Variants in MAP2K6 observed in about 807,000 individuals in gnomAD.
MAP2K6 encodes the protein mitogen-activated protein kinase kinase 6.
MAP2K6 carries 16 observed loss-of-function variants against 53.7 expected under a neutral mutation model. The observed-to-expected ratio is 0.30, with a 90% CI of 0.20 to 0.45. The LOEUF (loss-of-function observed/expected upper bound fraction) is 0.45. MAP2K6 is among the 20% of genes least tolerant of loss of function. The probability of loss-of-function intolerance (pLI) is 1.00; values close to 1 mark genes in which losing one functional copy is unlikely to be tolerated. For synonymous variants in MAP2K6, 132 were observed against 143.1 expected (o/e 0.92, Z 0.55); for missense variants, 204 against 411.9 (o/e 0.50, Z 4.37).
chr17:69,416,337 A>G (rs1905900409), intron 1 of MAP2K6, among the ~76,000 whole-genome samples: 2 of 152,184 alleles, frequency 1.3e-5, no homozygotes, highest in Admixed American at 1.3e-4. Context: ...GGAGAATGGA[A>G]ATCTGAAAAG....
At chr17:69,444,775 G>A (rs1032231022) in intron 1 of MAP2K6, among the ~76,000 whole-genome samples, 1 of 152,132 alleles carries the variant, frequency 6.6e-6, no homozygotes, top group Admixed American at 6.5e-5. Flanking sequence ...CTCAAGAGGT[G>A]GAAGAGTCAC....
At position 69,550,186 on chromosome 17, in the gene MAP2K6, A is replaced by G. The variant is rs1912036550; in HGVS notation, c.*8433A>G. ...CTAGTGTTATTGATTTGAAAGAGTTACCTTTTCAGACAGATGGCTGAACAA... is the reference window on the plus strand; with the variant it reads ...CTAGTGTTATTGATTTGAAAGAGTTGCCTTTTCAGACAGATGGCTGAACAA... On this transcript the variant is annotated 3_prime_UTR_variant, in exon 12 of 12. Transcript: ENST00000590474. 6.6e-6 allele frequency: 1 copy of G among 152,204 alleles called. No individual in the cohort carries two copies. The highest frequency in any genetic ancestry group is 2.4e-5 in the African/African-American group (1 of 41,456). The allele number at this position is 152,204 out of a possible 1,614,324, so 9.4% of individuals were successfully genotyped here.
rs571942859 is a variant in MAP2K6 at position 69,528,155 on chromosome 17, A to G, written c.881+1446A>G. ...GTGAATACAGCATTCATCAGGAAAC[A>G]TGGAAGAAACATAAAACAAAGCAAC... is the stretch of plus-strand genomic sequence containing the variant. On this transcript the variant is annotated intron_variant, in intron 10 of 11. Transcript: ENST00000590474. Among the ~76,000 whole-genome samples the G allele has an allele frequency of 2.6e-5, 4 of 151,180 alleles. No individual in the cohort carries two copies. The South Asian group carries it at 6.3e-4, about 24-fold the overall frequency.
chr17:69,508,115 G>C (rs1909623808), intron 2 of MAP2K6, among the ~76,000 whole-genome samples: 1 of 123,612 alleles, frequency 8.1e-6, no homozygotes, highest in Non-Finnish European at 1.6e-5. Flanking sequence ...GCAATGGCGT[G>C]ATCTCGGCTC....
rs1907999424 is a variant in MAP2K6 at position 69,472,061 on chromosome 17, TC to T, written c.17-33718del. ...ATCCATTTCAGAGGCCTTGGGTTAT[TC>T]TGAGCATGTTGATTTCAAGTCCTGT... On this transcript the variant is annotated intron_variant, in intron 1 of 11. Coordinates refer to ENST00000590474, the MANE Select transcript of MAP2K6 (RefSeq NM_002758.4). Among the ~76,000 whole-genome samples, 3 of 152,170 alleles carry T rather than the reference TC, an allele frequency of 2.0e-5. No homozygotes were observed. In the South Asian group the frequency reaches 6.2e-4, roughly 32 times the overall value.
chr17:69,535,275 A>G lies in MAP2K6; in HGVS notation c.882-840A>G, dbSNP rs181041778. Among the ~76,000 whole-genome samples the G allele has an allele frequency of 6.4e-4, 97 of 152,284 alleles. 2 individuals carry two copies. The highest frequency in any genetic ancestry group is 1.2e-4 in the Non-Finnish European group (8 of 68,030). On this transcript the variant is annotated intron_variant, in intron 10 of 11. Coordinates refer to ENST00000590474, the MANE Select transcript of MAP2K6 (RefSeq NM_002758.4). ...ATAAACAGGTCTTATTACCTTTGTCATAAACAAGTAGTATTACCTTAGAAA... is the reference window on the plus strand; with the variant it reads ...ATAAACAGGTCTTATTACCTTTGTCGTAAACAAGTAGTATTACCTTAGAAA...
intron 1 of MAP2K6, among the ~76,000 whole-genome samples, chr17:69,499,124 G>A (rs1472303029): frequency 6.6e-6 from 1 of 152,230 alleles, no homozygotes; most frequent in East Asian, 1.9e-4. Flanking sequence ...TAGACCTGGA[G>A]AAGTTCCCAT....
intron 1 of MAP2K6, among the ~76,000 whole-genome samples, chr17:69,458,850 G>A (rs2145167698): frequency 6.6e-6 from 1 of 152,286 alleles, no homozygotes; most frequent in African/African-American, 2.4e-5. Flanking sequence ...GTTGTAGTCT[G>A]CCTTCTCTTC....
At chr17:69,517,646 C>A in intron 4 of MAP2K6, 33 bp downstream of exon 4, 1 of 1,489,910 alleles carries the variant, frequency 6.7e-7, no homozygotes, top group Middle Eastern at 1.8e-4. Flanking sequence ...TGTTTTATAT[C>A]TGCTGTGTAT....
intron 2 of MAP2K6, among the ~76,000 whole-genome samples, chr17:69,508,810 G>C (rs1399101719): frequency 1.3e-5 from 2 of 152,212 alleles, no homozygotes; most frequent in Admixed American, 6.5e-5. Flanking sequence ...TTTAGGTTGA[G>C]CTTTATTTTT....
rs1291084548 is a variant in MAP2K6 at position 69,547,135 on chromosome 17, GA to G, written c.*5383del. 1.6e-4 allele frequency: 25 copies of G among 151,996 alleles called. No individual in the cohort carries two copies. Among genetic ancestry groups the G allele is most frequent in the African/African-American group, 6.0e-4 (25 of 41,470 alleles). The allele number at this position is 151,996 out of a possible 1,614,324, so 9.4% of individuals were successfully genotyped here. On this transcript the variant is annotated 3_prime_UTR_variant, in exon 12 of 12. Coordinates refer to ENST00000590474, the MANE Select transcript of MAP2K6 (RefSeq NM_002758.4). ...CTTTTGGGAATTTGTTGAAAGCTAG[GA>G]CCTTTTCCCCAGGAAAATTTACATT...
intron 6 of MAP2K6, 85 bp downstream of exon 6, chr17:69,520,471 T>C: frequency 1.3e-6 from 1 of 748,676 alleles, no homozygotes; most frequent in South Asian, 1.7e-5. Flanking sequence ...GAAGAAATAC[T>C]ACCTGGGCCA....
intron 2 of MAP2K6, 133 bp downstream of exon 2, chr17:69,505,979 G>C (rs1251475096): frequency 1.5e-6 from 1 of 676,948 alleles, no homozygotes; most frequent in Non-Finnish European, 2.6e-6. Context: ...TTTGCTCACT[G>C]TTCTGAGACC....
intron 1 of MAP2K6, among the ~76,000 whole-genome samples, chr17:69,446,265 C>T (rs1051907125): frequency 6.6e-6 from 1 of 152,196 alleles, no homozygotes; most frequent in African/African-American, 2.4e-5. Context: ...CATTAAGCAA[C>T]AGAACTCTAG....
chr17:69,455,851 GTT>G lies in MAP2K6; in HGVS notation c.16+40876_16+40877del, dbSNP rs11317793. ...GACTGAGTGGGTTCCTGGACTTTCA[GTT>G]TTTTTTTTTTTTTTTTTTTTTTTTA... On this transcript the variant is annotated intron_variant, in intron 1 of 11. Transcript: ENST00000590474. Among the ~76,000 whole-genome samples the G allele has an allele frequency of 9.2e-3, 875 of 95,330 alleles. 4 individuals carry two copies. Among genetic ancestry groups the G allele is most frequent in the South Asian group, 0.018 (49 of 2,708 alleles). 62.5% of individuals were successfully genotyped at this position (95,330 alleles called of 152,430 possible). A position where few individuals can be genotyped will look rare whatever the true frequency, so the allele number is the denominator to read the frequency against.
intron 1 of MAP2K6, among the ~76,000 whole-genome samples, chr17:69,419,897 G>C (rs1906022585): frequency 6.9e-6 from 1 of 145,716 alleles, no homozygotes; most frequent in South Asian, 2.2e-4. Context: ...CTGGGTGACA[G>C]AGCCAGACTT....
intron 1 of MAP2K6, among the ~76,000 whole-genome samples, chr17:69,490,575 C>T (rs923630485): frequency 1.3e-5 from 2 of 152,106 alleles, no homozygotes; most frequent in African/African-American, 4.8e-5. Context: ...AGGAAGGATG[C>T]TGCATTATTT....
intron 1 of MAP2K6, among the ~76,000 whole-genome samples, chr17:69,457,855 C>T (rs893317244): frequency 2.6e-5 from 4 of 152,120 alleles, no homozygotes; most frequent in Admixed American, 6.6e-5. Flanking sequence ...AATCTCACCC[C>T]AGAGCTGCTG....
At chr17:69,475,608 T>A (rs994137735) in intron 1 of MAP2K6, among the ~76,000 whole-genome samples, 3 of 152,270 alleles carry the variant, frequency 2.0e-5, no homozygotes, top group Non-Finnish European at 4.4e-5. Context: ...AAGTCTTATG[T>A]TGCCTATTCC....
Sources: allele counts gnomAD v4.1 joint callset (sites outside exome capture counted in the v4.1 genomes callset), GRCh38; gene constraint gnomAD v4.1.1; transcripts MANE v1.5; gene names NCBI Gene and HGNC (gene_info 2026-07-23, HGNC 2026-07-21).